The following SUMF1 variants were observed in gnomAD, a reference collection of about 807,000 sequenced individuals.
The protein encoded by SUMF1 is sulfatase modifying factor 1.
SUMF1 carries 48 observed loss-of-function variants against 47.6 expected under a neutral mutation model. The ratio of observed to expected loss-of-function variants is 1.01; its 90% CI spans 0.80 to 1.28. The LOEUF is 1.28. Among genes scored for constraint, SUMF1 ranks in the 50% most tolerant of loss-of-function variants. The probability of loss-of-function intolerance (pLI) is 0.00; values close to 1 mark genes in which losing one functional copy is unlikely to be tolerated. For synonymous variants in SUMF1, 230 were observed against 192.1 expected (o/e 1.20, Z -1.63); for missense variants, 571 against 485.4 (o/e 1.18, Z -1.66).
intron 8 of SUMF1, among the ~76,000 whole-genome samples, chr3:4,203,399 C>G (rs1477980571): frequency 6.6e-6 from 1 of 151,880 alleles, no homozygotes; most frequent in Non-Finnish European, 1.5e-5. Context: ...ATAAATATAG[C>G]TACTCCTGCT....
intron 8 of SUMF1, among the ~76,000 whole-genome samples, chr3:4,134,054 A>C (rs957211988): frequency 2.6e-5 from 4 of 152,152 alleles, no homozygotes; most frequent in Non-Finnish European, 4.4e-5. Context: ...CATTAGACAG[A>C]TCAACGAGAC....
intron 7 of SUMF1, among the ~76,000 whole-genome samples, chr3:4,408,948 C>T (rs765204418): frequency 2.0e-5 from 3 of 151,350 alleles, no homozygotes; most frequent in Non-Finnish European, 2.9e-5. Context: ...AGGGATAGAG[C>T]GAGACTCTCT....
At chr3:4,182,491 C>T (rs2125134844) in intron 8 of SUMF1, among the ~76,000 whole-genome samples, 1 of 151,654 alleles carries the variant, frequency 6.6e-6, no homozygotes, top group South Asian at 2.1e-4. Context: ...AACTTGTATT[C>T]AGCGGGTAAA....
intron 8 of SUMF1, among the ~76,000 whole-genome samples, chr3:4,165,715 T>C (rs574878620): frequency 6.6e-6 from 1 of 152,082 alleles, no homozygotes; most frequent in African/African-American, 2.4e-5. Context: ...CAGACCATGG[T>C]GCAGAAAAAA....
chr3:4,048,225 C>G (rs553671348), intron 9 of SUMF1, among the ~76,000 whole-genome samples: 2 of 152,078 alleles, frequency 1.3e-5, no homozygotes, highest in Non-Finnish European at 2.9e-5. Flanking sequence ...CCAGAAAGAC[C>G]CATACTCGCC....
At chr3:4,170,259 T>G (rs2120512) in intron 8 of SUMF1, among the ~76,000 whole-genome samples, 51,298 of 151,792 alleles carry the variant, frequency 0.34, 8,791 homozygotes, top group East Asian at 0.4. Flanking sequence ...AACCCTAGAG[T>G]GGGAAAATGA....
At chr3:4,403,435 C>CCCCCAATT (rs1701277566) in intron 7 of SUMF1, among the ~76,000 whole-genome samples, 1 of 152,096 alleles carries the variant, frequency 6.6e-6, no homozygotes, top group African/African-American at 2.4e-5. Context: ...AGGACATTTT[C>CCCCCAATT]CCCCAATTCA....
intron 8 of SUMF1, among the ~76,000 whole-genome samples, chr3:4,203,755 T>C (rs1006618496): frequency 7.9e-5 from 12 of 151,960 alleles, no homozygotes; most frequent in Non-Finnish European, 1.8e-4. Flanking sequence ...GTATATCTGT[T>C]GTAGGTTTTT....
intron 8 of SUMF1, among the ~76,000 whole-genome samples, chr3:4,270,924 G>A (rs1200880697): frequency 1.3e-5 from 2 of 152,262 alleles, no homozygotes; most frequent in East Asian, 1.9e-4. Flanking sequence ...CATGTAAAAC[G>A]GAAACTGGTC....
At chr3:4,303,240 C>T in intron 8 of SUMF1, 1 of 1,028,876 alleles carries the variant, frequency 9.7e-7, no homozygotes, top group Non-Finnish European at 1.3e-6. Flanking sequence ...AGGGAAGCGC[C>T]TTCCAGGCCA....
At position 4,392,639 on chromosome 3, in the gene SUMF1, ATC is replaced by A. The variant is rs1409649969; in HGVS notation, c.955-16252_955-16251del. ...TGTATATATATATATATATATATATATCTACCTATATATATAAAGAGAGAAAG... is the reference window on the plus strand; with the variant it reads ...TGTATATATATATATATATATATATATACCTATATATATAAAGAGAGAAAG... On this transcript the variant is annotated intron_variant, in intron 7 of 8. Transcript: ENST00000272902. 5.2e-3 allele frequency among the ~76,000 whole-genome samples: 694 copies of A among 134,110 alleles called. 1 individual carries two copies. The highest frequency in any genetic ancestry group is 0.032 in the East Asian group (94 of 2,922). 88.0% of individuals were successfully genotyped at this position (134,110 alleles called of 152,430 possible).
At chr3:4,362,348 G>A (rs1022642856) in intron 8 of SUMF1, 94 bp from the exon 9 acceptor site, 3 of 1,017,104 alleles carry the variant, frequency 2.9e-6, no homozygotes, top group Non-Finnish European at 4.6e-6. Flanking sequence ...TGTAGACAGT[G>A]CTTCCCCACA....
At chr3:4,383,067 A>G (rs71313823) in intron 7 of SUMF1, among the ~76,000 whole-genome samples, 2 of 58,986 alleles carry the variant, frequency 3.4e-5, no homozygotes, top group Non-Finnish European at 7.8e-5. Context: ...CTTAAAAAGT[A>G]TAATAAAAAG....
chr3:4,187,659 C>A (rs927783791), intron 8 of SUMF1, among the ~76,000 whole-genome samples: 2 of 152,122 alleles, frequency 1.3e-5, no homozygotes, highest in African/African-American at 4.8e-5. Context: ...ATAAATAATC[C>A]TGCATCTATT....
At chr3:4,075,155 G>A (rs534932711) in intron 8 of SUMF1, among the ~76,000 whole-genome samples, 4 of 152,076 alleles carry the variant, frequency 2.6e-5, no homozygotes, top group Non-Finnish European at 5.9e-5. Context: ...CCACCAAGTC[G>A]GCTTCATCCC....
chr3:4,225,779 G>A (rs1193619119), intron 8 of SUMF1, among the ~76,000 whole-genome samples: 1 of 152,078 alleles, frequency 6.6e-6, no homozygotes, highest in African/African-American at 2.4e-5. Flanking sequence ...AAAATGCAGA[G>A]CTTAGTAAAG....
chr3:4,151,601 A>C (rs1694337378), intron 8 of SUMF1, among the ~76,000 whole-genome samples: 1 of 149,026 alleles, frequency 6.7e-6, no homozygotes, highest in South Asian at 2.1e-4. Flanking sequence ...GCAAGTATAT[A>C]GAGCAGAGGT....
intron 8 of SUMF1, among the ~76,000 whole-genome samples, chr3:4,212,472 G>C (rs945884155): frequency 6.6e-6 from 1 of 152,112 alleles, no homozygotes; most frequent in Non-Finnish European, 1.5e-5. Flanking sequence ...AGCACAAAAA[G>C]TCTGAAAATT....
intron 2 of SUMF1, among the ~76,000 whole-genome samples, chr3:4,449,642 A>G (rs1198807767): frequency 6.6e-6 from 1 of 152,246 alleles, no homozygotes; most frequent in Non-Finnish European, 1.5e-5. Flanking sequence ...AAGTATCACA[A>G]ATGACTCTGG....
Sources: gnomAD v4.1 joint callset for allele counts (sites outside exome capture counted in the v4.1 genomes callset) on GRCh38, gnomAD v4.1.1 for gene constraint, MANE v1.5 for transcripts, NCBI Gene and HGNC (gene_info 2026-07-23, HGNC 2026-07-21) for gene names.